The following AGL variants were observed in gnomAD, a reference collection of about 807,000 sequenced individuals.
AGL encodes glycogen debranching enzyme.
In AGL, 128 loss-of-function variants were observed where a neutral mutation model predicts 199.3. The observed-to-expected ratio is 0.64, with a 90% CI of 0.56 to 0.74. AGL has a LOEUF of 0.74. Among genes scored for constraint, AGL ranks in the 30% least tolerant of loss-of-function variants. The pLI, the probability that AGL is intolerant of heterozygous loss-of-function variation, is 0.00. For synonymous variants in AGL, 584 were observed against 594.7 expected (o/e 0.98, Z 0.26); for missense variants, 1,809 against 1,820.8 (o/e 0.99, Z 0.12).
chr1:99,917,864 A>G (rs1655245980), intron 33 of AGL, among the ~76,000 whole-genome samples: 1 of 151,946 alleles, frequency 6.6e-6, no homozygotes, highest in African/African-American at 2.4e-5. Flanking sequence ...TTTTGCTTTT[A>G]CCTGTTATTA....
intron 33 of AGL, 110 bp from the exon 34 acceptor site, chr1:99,921,424 G>T: frequency 2.6e-6 from 2 of 769,584 alleles, no homozygotes; most frequent in South Asian, 1.4e-5. Context: ...TGTAGCAAAT[G>T]ACTACATATG....
chr1:99,867,061 C>T (rs867725951), intron 5 of AGL, among the ~76,000 whole-genome samples: 2 of 152,228 alleles, frequency 1.3e-5, no homozygotes, highest in South Asian at 2.1e-4. Flanking sequence ...TCAAGTGATC[C>T]GCCCACCTTG....
chr1:99,880,233 G>T (rs1651901978), intron 13 of AGL, among the ~76,000 whole-genome samples, 187 bp downstream of exon 13: 1 of 152,062 alleles, frequency 6.6e-6, no homozygotes, highest in Admixed American at 6.5e-5. Context: ...CTACTTTGGG[G>T]TAAGATACCT....
At chr1:99,883,363 A>G (rs1376536634) in intron 17 of AGL, among the ~76,000 whole-genome samples, 3 of 152,104 alleles carry the variant, frequency 2.0e-5, no homozygotes, top group Non-Finnish European at 4.4e-5. Context: ...AAACTTTCAT[A>G]TATTTCCATT....
chr1:99,879,926 A>C lies in AGL; in HGVS notation c.1615A>C (p.Met539Leu), dbSNP rs764106633. Residue 539 changes from methionine to leucine, a missense_variant, in exon 13 of 34, where the codon ATG (methionine) becomes CTG (leucine). By Grantham distance (15) the Met-to-Leu change is conservative. Coordinates refer to ENST00000361915, the MANE Select transcript of AGL (RefSeq NM_000642.3). ...HSTPLHVAEYMLDAARNLQPN... is the reference protein window; with the variant it reads ...HSTPLHVAEYLLDAARNLQPN... Reference sequence around the variant, plus strand: ...TTTGTCACTGTGCTTTTTACAGTACATGTTGGATGCTGCTAGGAATTTGCA... The same window carrying C: ...TTTGTCACTGTGCTTTTTACAGTACCTGTTGGATGCTGCTAGGAATTTGCA... The C allele has an allele frequency of 1.9e-6, 3 of 1,611,580 alleles. No homozygotes were observed. The highest frequency in any genetic ancestry group is 4.5e-5 in the East Asian group (2 of 44,754).
intron 21 of AGL, among the ~76,000 whole-genome samples, chr1:99,890,235 T>C (rs989600771): frequency 7.9e-5 from 12 of 152,210 alleles, no homozygotes; most frequent in Admixed American, 5.2e-4. Context: ...TTCCATTCCG[T>C]TGGTCATCAT....
intron 2 of AGL, chr1:99,852,687 C>T: frequency 2.6e-6 from 2 of 780,242 alleles, no homozygotes; most frequent in Non-Finnish European, 2.4e-6. Flanking sequence ...CAATTCTGAG[C>T]ATTAATTTAT....
At chr1:99,889,966 T>C (rs1015257738) in intron 21 of AGL, among the ~76,000 whole-genome samples, 1 of 152,190 alleles carries the variant, frequency 6.6e-6, no homozygotes, top group African/African-American at 2.4e-5. Context: ...TTGACCTGTC[T>C]TTCCCTTAAA....
At chr1:99,916,300 A>G in intron 31 of AGL, 110 bp from the exon 32 acceptor site, 1 of 868,940 alleles carries the variant, frequency 1.2e-6, no homozygotes, top group Non-Finnish European at 1.8e-6. Flanking sequence ...ATTCTGTAGA[A>G]GACAAAATAA....
chr1:99,904,509 A>G (rs1200733697), intron 27 of AGL, among the ~76,000 whole-genome samples: 3 of 90,090 alleles, frequency 3.3e-5, no homozygotes, highest in Non-Finnish European at 7.5e-5. Flanking sequence ...GATCCGTGCA[A>G]TTTGACCCCA....
chr1:99,898,953 T>C (rs1331288402), intron 25 of AGL, among the ~76,000 whole-genome samples: 1 of 152,138 alleles, frequency 6.6e-6, no homozygotes, highest in Non-Finnish European at 1.5e-5. Context: ...TGGTTAAGAT[T>C]GCTAGCACTA....
chr1:99,909,137 T>C (rs950144100), intron 27 of AGL, among the ~76,000 whole-genome samples: 1 of 152,064 alleles, frequency 6.6e-6, no homozygotes, highest in Non-Finnish European at 1.5e-5. Flanking sequence ...CAGTCTCTGC[T>C]GACAGCATGC....
chr1:99,921,558 A>G lies in AGL; in HGVS notation c.4506A>G (p.Glu1502=), dbSNP rs546667609. 12 of 1,612,840 alleles carry G rather than the reference A, an allele frequency of 7.4e-6. No individual in the cohort carries two copies. Among genetic ancestry groups the G allele is most frequent in the Middle Eastern group, 1.6e-4 (1 of 6,074 alleles). ...GATCCCCTTGGAAAGGACTTCCAGA[A>G]CTGACCAATGAGAATGCCCAGTACT... is the stretch of plus-strand genomic sequence containing the variant. ...LERSPWKGLP[E]LTNENAQYCP... is the part of the protein sequence containing the mutation. The change falls in exon 34 of 34, where the codon GAA becomes GAG. Residue 1502 remains glutamate (E), a synonymous_variant. Coordinates refer to ENST00000361915, the MANE Select transcript of AGL (RefSeq NM_000642.3).
At chr1:99,853,193 A>G (rs531058626) in intron 2 of AGL, among the ~76,000 whole-genome samples, 8 of 152,292 alleles carry the variant, frequency 5.3e-5, no homozygotes, top group Admixed American at 3.3e-4. Context: ...TCAAATTTAA[A>G]TACCTCTGTC....
In AGL at chr1:99,896,407, T is replaced by C; in HGVS notation, c.3362+19T>C. On this transcript the variant is annotated intron_variant, in intron 25 of 33. Coordinates refer to ENST00000361915, the MANE Select transcript of AGL (RefSeq NM_000642.3). Reference sequence around the variant, plus strand: ...AAGCCAGGTAGGAGAGCCTCTAAAGTGTTGTACTGCGAGTTTATGTCTGAA... The same window carrying C: ...AAGCCAGGTAGGAGAGCCTCTAAAGCGTTGTACTGCGAGTTTATGTCTGAA... The C allele has an allele frequency of 6.4e-7, 1 of 1,557,516 alleles. No homozygotes were observed. The highest frequency in any genetic ancestry group is 8.9e-7 in the Non-Finnish European group (1 of 1,128,508).
rs1296409657 is a variant in AGL, at chr1:99,902,701, G to C, written c.3607G>C (p.Val1203Leu). 6.2e-7 allele frequency: 1 copy of C among 1,613,228 alleles called. No individual in the cohort carries two copies. The highest frequency in any genetic ancestry group is 1.7e-5 in the Admixed American group (1 of 60,014). Reference sequence around the variant, plus strand: ...CAAACAGGATCAGCCATTGTTTGAAGTCATACAGGAAGCAATGCAAAAACA... The same window carrying C: ...CAAACAGGATCAGCCATTGTTTGAACTCATACAGGAAGCAATGCAAAAACA... ...AGTLDQPLFE[V>L]IQEAMQKHMQ... The change falls in exon 27 of 34, where the codon GTC becomes CTC. Residue 1203 changes from valine (V) to leucine (L), a missense_variant. Val to Leu is a conservative substitution (Grantham distance 32, BLOSUM62 1). Transcript: ENST00000361915.
At chr1:99,858,855 C>T (rs1285363015) in intron 2 of AGL, among the ~76,000 whole-genome samples, 2 of 151,594 alleles carry the variant, frequency 1.3e-5, no homozygotes, top group Non-Finnish European at 2.9e-5. Flanking sequence ...TCATTTATAT[C>T]TTATCCCATT....
At chr1:99,853,607 A>T (rs1460788783) in intron 2 of AGL, among the ~76,000 whole-genome samples, 1 of 152,204 alleles carries the variant, frequency 6.6e-6, no homozygotes, top group Non-Finnish European at 1.5e-5. Flanking sequence ...GTGAGAATTG[A>T]TGAGGGCAGG....
intron 14 of AGL, 30 bp downstream of exon 14, chr1:99,880,825 T>C (rs747640919): frequency 3.1e-6 from 5 of 1,611,202 alleles, no homozygotes; most frequent in Non-Finnish European, 2.5e-6. Flanking sequence ...CATGTACTTA[T>C]TTTGCTAAAT....
Sources: gnomAD v4.1 joint callset for allele counts (sites outside exome capture counted in the v4.1 genomes callset) on GRCh38, gnomAD v4.1.1 for gene constraint, MANE v1.5 for transcripts, NCBI Gene and HGNC (gene_info 2026-07-23, HGNC 2026-07-21) for gene names.